BUB1B: variants seen among roughly 807,000 people sequenced by gnomAD.
BUB1B encodes mitotic checkpoint serine/threonine-protein kinase BUB1 beta.
In BUB1B, 86 loss-of-function variants were observed where a neutral mutation model predicts 137.7. The ratio of observed to expected loss-of-function variants is 0.62; its 90% CI spans 0.52 to 0.75. The LOEUF (loss-of-function observed/expected upper bound fraction) is 0.75, where lower values mean the gene tolerates loss of function less well. Among genes scored for constraint, BUB1B ranks in the 30% least tolerant of loss-of-function variants. The pLI, the probability that BUB1B is intolerant of heterozygous loss-of-function variation, is 0.00. For missense variants in BUB1B, 1,130 were observed against 1,236.9 expected (o/e 0.91, Z 1.30); for synonymous variants, 420 against 417.9 (o/e 1.00, Z -0.06).
At chr15:40,179,414 G>T (rs533873737) in intron 5 of BUB1B, among the ~76,000 whole-genome samples, 7 of 152,028 alleles carry the variant, frequency 4.6e-5, no homozygotes, top group Non-Finnish European at 1.0e-4. Flanking sequence ...TTACCCTTTT[G>T]TTAAGCTAGT....
At position 40,206,184 on chromosome 15, in the gene BUB1B, G is replaced by T; in HGVS notation, c.1735G>T (p.Asp579Tyr). The T allele has an allele frequency of 6.2e-7, 1 of 1,613,990 alleles. No individual in the cohort carries two copies. The highest frequency in any genetic ancestry group is 1.1e-5 in the South Asian group (1 of 90,986). The change falls in exon 15 of 23, where the codon GAT (aspartate) becomes TAT (tyrosine). Residue 579 changes from aspartate (D) to tyrosine (Y), a missense_variant and splice_region_variant. Physicochemically the swap from Asp to Tyr is radical, Grantham distance 160 (BLOSUM62 -3). Coordinates refer to ENST00000287598, the MANE Select transcript of BUB1B (RefSeq NM_001211.6). ...SNEDVSPDVC[D>Y]EFTGIEPLSE... ...AAACTTTATATGGTCTTTATTTCAG[G>T]ATGAATTTACAGGAATTGAACCCTT...
chr15:40,193,055 G>A (rs1408999988), intron 8 of BUB1B, among the ~76,000 whole-genome samples: 1 of 151,670 alleles, frequency 6.6e-6, no homozygotes, highest in Non-Finnish European at 1.5e-5. Flanking sequence ...TCACTGTGTT[G>A]CCCAGCCTGG....
chr15:40,184,858 A>T (rs967361674), intron 6 of BUB1B, among the ~76,000 whole-genome samples: 2 of 152,208 alleles, frequency 1.3e-5, no homozygotes, highest in East Asian at 3.8e-4. Context: ...GTTTCTGATA[A>T]AACTAGATAA....
At chr15:40,193,114 C>T (rs1052822533) in intron 8 of BUB1B, among the ~76,000 whole-genome samples, 7 of 152,076 alleles carry the variant, frequency 4.6e-5, no homozygotes, top group African/African-American at 1.2e-4. Context: ...CCTCCCAGAG[C>T]ACTGGGATTA....
chr15:40,217,491 C>G lies in BUB1B; in HGVS notation c.2679-5C>G, dbSNP rs759838080. 1 of 1,613,794 alleles carries G rather than the reference C, an allele frequency of 6.2e-7. No individual in the cohort carries two copies. The highest frequency in any genetic ancestry group is 1.1e-5 in the South Asian group (1 of 91,076). ...ATTATCTCCTTCTCTTAAATCTGGG[C>G]TCAGAATCCACGATCCCTATGATTG... is the stretch of plus-strand genomic sequence containing the variant. On this transcript the variant is annotated splice_polypyrimidine_tract_variant and splice_region_variant and intron_variant, in intron 20 of 22. Transcript: ENST00000287598.
chr15:40,209,382 C>G (rs536403931), intron 16 of BUB1B, among the ~76,000 whole-genome samples: 13 of 152,328 alleles, frequency 8.5e-5, no homozygotes, highest in African/African-American at 3.1e-4. Flanking sequence ...CGAGATGGCG[C>G]CACTGCACTC....
rs148166710 is a variant in BUB1B, at chr15:40,176,243, G to A, written c.385-234G>A. ...AAGTGCTGTAATTACAGGCAGAAGC[G>A]ACTGCACCTGGCTTATTACTCCTTC... On this transcript the variant is annotated intron_variant, in intron 4 of 22. Transcript: ENST00000287598. 3.9e-5 allele frequency among the ~76,000 whole-genome samples: 6 copies of A among 152,212 alleles called. No homozygotes were observed. The East Asian group carries it at 7.7e-4, about 20-fold the overall frequency.
chr15:40,206,675 A>C (rs1452293883), intron 15 of BUB1B, among the ~76,000 whole-genome samples: 6 of 152,214 alleles, frequency 3.9e-5, no homozygotes, highest in African/African-American at 1.4e-4. Flanking sequence ...ATGGTAGAGA[A>C]ACTAAGTGGT....
chr15:40,179,694 T>C (rs2037261116), intron 5 of BUB1B, among the ~76,000 whole-genome samples: 1 of 152,070 alleles, frequency 6.6e-6, no homozygotes, highest in Non-Finnish European at 1.5e-5. Context: ...TCCTACCTTC[T>C]TTTGGATTAT....
intron 22 of BUB1B, among the ~76,000 whole-genome samples, chr15:40,220,131 A>G (rs2037875125): frequency 6.6e-6 from 1 of 152,338 alleles, no homozygotes; most frequent in Middle Eastern, 3.4e-3. Flanking sequence ...AAACATATTA[A>G]GCAGTAGTTA....
chr15:40,205,230 A>G (rs886903406), intron 14 of BUB1B, among the ~76,000 whole-genome samples: 1 of 152,092 alleles, frequency 6.6e-6, no homozygotes, highest in Non-Finnish European at 1.5e-5. Context: ...TACAGGCGTG[A>G]GCCACTGCAC....
chr15:40,202,738 T>C (rs1258306658), intron 14 of BUB1B, 44 bp downstream of exon 14: 2 of 1,518,590 alleles, frequency 1.3e-6, no homozygotes, highest in African/African-American at 1.4e-5. Context: ...GGCTAGTGGA[T>C]TGTTTATTCA....
At chr15:40,170,737 C>G (rs1048875918) in intron 4 of BUB1B, 56 bp downstream of exon 4, 2 of 1,572,588 alleles carry the variant, frequency 1.3e-6, no homozygotes, top group Non-Finnish European at 1.7e-6. Context: ...GAGATTTTCT[C>G]TAGAGGTATC....
chr15:40,213,531 G>A lies in BUB1B; in HGVS notation c.2678+57G>A, dbSNP rs572646998. 6 of 1,598,784 alleles carry A rather than the reference G, an allele frequency of 3.8e-6. No individual in the cohort carries two copies. In the African/African-American group the frequency reaches 5.4e-5, roughly 14 times the overall value. On this transcript the variant is annotated intron_variant, in intron 20 of 22. Transcript: ENST00000287598. ...GCTGTCTCTTAAAACATGGATAGTTGCCACTTTTTTTTTTCTTTTTTGAGG... is the reference window on the plus strand; with the variant it reads ...GCTGTCTCTTAAAACATGGATAGTTACCACTTTTTTTTTTCTTTTTTGAGG...
chr15:40,203,322 C>G (rs1475129572), intron 14 of BUB1B, among the ~76,000 whole-genome samples: 1 of 149,766 alleles, frequency 6.7e-6, no homozygotes, highest in African/African-American at 2.6e-5. Flanking sequence ...ACTATATGAT[C>G]TAATTTTCAT....
At chr15:40,186,417 A>ACATTGCCTAG (rs1214686837) in intron 8 of BUB1B, among the ~76,000 whole-genome samples, 2 of 148,478 alleles carry the variant, frequency 1.3e-5, no homozygotes, top group African/African-American at 5.0e-5. Flanking sequence ...CTAATGCTTA[A>ACATTGCCTAG]CATTGCCTAG....
rs768421197 is a variant in BUB1B, at chr15:40,220,962, G to T, written c.*203G>T. ...TTACTCATGGCCTTGTCTAACTTTT[G>T]TGAAGAACTATTTTATTCTAAACAG... On this transcript the variant is annotated 3_prime_UTR_variant, in exon 23 of 23. Coordinates refer to ENST00000287598, the MANE Select transcript of BUB1B (RefSeq NM_001211.6). 3.8e-4 allele frequency: 235 copies of T among 615,182 alleles called. No homozygotes were observed. Among genetic ancestry groups the T allele is most frequent in the Non-Finnish European group, 6.4e-4 (220 of 346,374 alleles). The allele number at this position is 615,182 out of a possible 1,614,324, so 38.1% of individuals were successfully genotyped here.
chr15:40,176,377 A>T, intron 4 of BUB1B, 100 bp from the exon 5 acceptor site: 1 of 1,093,112 alleles, frequency 9.1e-7, no homozygotes, highest in Admixed American at 1.8e-5. Flanking sequence ...TTTTTTTTCA[A>T]TACAGGAATT....
chr15:40,208,549 A>C, intron 15 of BUB1B, 88 bp from the exon 16 acceptor site: 1 of 1,365,844 alleles, frequency 7.3e-7, no homozygotes, highest in Non-Finnish European at 1.0e-6. Context: ...AAAAAAAAGA[A>C]AAATGTATAC....
Sources: allele counts gnomAD v4.1 joint callset (sites outside exome capture counted in the v4.1 genomes callset), GRCh38; gene constraint gnomAD v4.1.1; transcripts MANE v1.5; gene names NCBI Gene and HGNC (gene_info 2026-07-23, HGNC 2026-07-21).